Variants in SCN10A observed in about 807,000 individuals in gnomAD.
The protein encoded by SCN10A is sodium channel protein type 10 subunit alpha.
A neutral mutation model predicts 170.7 loss-of-function variants in SCN10A; 162 were observed. The ratio of observed to expected loss-of-function variants is 0.95; its 90% CI spans 0.84 to 1.08. The LOEUF is 1.08. SCN10A is among the 50% of genes least tolerant of loss of function. SCN10A has a pLI of 0.00. For missense variants in SCN10A, 2,527 were observed against 2,436.9 expected (o/e 1.04, Z -0.78); for synonymous variants, 985 against 904.6 (o/e 1.09, Z -1.59).
intron 25 of SCN10A, among the ~76,000 whole-genome samples, chr3:38,708,359 T>C (rs2125986917): frequency 6.6e-6 from 1 of 152,268 alleles, no homozygotes; most frequent in Non-Finnish European, 1.5e-5. Context: ...TATCTCCCTC[T>C]GTAATCTGTT....
At chr3:38,722,576 C>A (rs2063405249) in intron 19 of SCN10A, among the ~76,000 whole-genome samples, 164 bp from the exon 20 acceptor site, 1 of 152,184 alleles carries the variant, frequency 6.6e-6, no homozygotes, top group South Asian at 2.1e-4. Flanking sequence ...TCCAGGGAGT[C>A]CCTCAATCCA....
intron 14 of SCN10A, among the ~76,000 whole-genome samples, chr3:38,740,868 G>A (rs1279030755): frequency 6.6e-6 from 1 of 152,228 alleles, no homozygotes; most frequent in Non-Finnish European, 1.5e-5. Flanking sequence ...ACTGTAGAAT[G>A]AGGGTGTGGG....
At chr3:38,705,963 AT>A (rs2063206352) in intron 26 of SCN10A, among the ~76,000 whole-genome samples, 1 of 152,074 alleles carries the variant, frequency 6.6e-6, no homozygotes, top group Admixed American at 6.6e-5. Flanking sequence ...GAACTTGTTG[AT>A]GGAGGGATAC....
Position 38,728,584 on chromosome 3 carries a change from G to A in SCN10A, c.2598C>T (p.Cys866=). ...CCATCACCGTCAAGAAAAGGATGAGGCATATGGATTTTTGGCCAACTTCCA... is the reference window on the plus strand; with the variant it reads ...CCATCACCGTCAAGAAAAGGATGAGACATATGGATTTTTGGCCAACTTCCA... ...ACMEVGQKSI[C]LILFLTVMVL... The change falls in exon 16 of 28, where the codon TGC becomes TGT. Residue 866 remains cysteine, a synonymous_variant. Transcript: ENST00000449082. The A allele has an allele frequency of 6.2e-7, 1 of 1,609,246 alleles. No individual in the cohort carries two copies. Among genetic ancestry groups the A allele is most frequent in the Non-Finnish European group, 8.5e-7 (1 of 1,176,428 alleles).
At chr3:38,771,137 T>G (rs2063994130) in intron 5 of SCN10A, 142 bp downstream of exon 5, 1 of 830,332 alleles carries the variant, frequency 1.2e-6, no homozygotes, top group Non-Finnish European at 1.9e-6. Flanking sequence ...GGTATATTCC[T>G]GCAGTGGTTC....
At chr3:38,749,948 G>A (rs1428425695) in intron 13 of SCN10A, 125 bp downstream of exon 13, 2 of 526,156 alleles carry the variant, frequency 3.8e-6, no homozygotes, top group African/African-American at 1.9e-5. Context: ...ATAAGAATGA[G>A]GAGTATTAGG....
intron 4 of SCN10A, among the ~76,000 whole-genome samples, chr3:38,786,606 A>AT (rs1474530373): frequency 5.9e-5 from 9 of 152,136 alleles, no homozygotes; most frequent in Admixed American, 5.9e-4. Context: ...CTGCACATGT[A>AT]CCCCAGAACT....
intron 4 of SCN10A, among the ~76,000 whole-genome samples, chr3:38,786,803 C>T (rs1205085567): frequency 6.6e-6 from 1 of 152,014 alleles, no homozygotes. Context: ...TTCTGGGGTG[C>T]CACCTTTTCA....
chr3:38,720,165 G>A (rs376480649), intron 20 of SCN10A, among the ~76,000 whole-genome samples: 5 of 152,324 alleles, frequency 3.3e-5, no homozygotes, highest in African/African-American at 1.2e-4. Flanking sequence ...TGTCTAGGAC[G>A]AGGACTAAGA....
At chr3:38,753,614 T>G (rs575498348) in intron 11 of SCN10A, among the ~76,000 whole-genome samples, 1 of 152,270 alleles carries the variant, frequency 6.6e-6, no homozygotes, top group Admixed American at 6.5e-5. Flanking sequence ...GCCCAAGGAC[T>G]ATAGAACTCA....
At chr3:38,708,932 G>C (rs749713541) in intron 25 of SCN10A, among the ~76,000 whole-genome samples, 2 of 152,174 alleles carry the variant, frequency 1.3e-5, no homozygotes, top group Non-Finnish European at 2.9e-5. Context: ...TAAATGAAAG[G>C]ATAATAGGAA....
chr3:38,752,531 G>T lies in SCN10A; in HGVS notation c.1462-19C>A. 1 of 1,521,780 alleles carries T rather than the reference G, an allele frequency of 6.6e-7. No homozygotes were observed. Among genetic ancestry groups the T allele is most frequent in the South Asian group, 1.3e-5 (1 of 75,646 alleles). 94.3% of individuals were successfully genotyped at this position (1,521,780 alleles called of 1,614,324 possible). A position where few individuals can be genotyped will look rare whatever the true frequency, so the allele number is the denominator to read the frequency against. On this transcript the variant is annotated intron_variant, in intron 11 of 27. Transcript: ENST00000449082. ...GAAAAGACTGGGCATTGCCCCAAAG[G>T]AGCAAGAAGGCTGGAAACTGGTCCT...
At position 38,718,769 on chromosome 3, in the gene SCN10A, T is replaced by A; in HGVS notation, c.3565A>T (p.Thr1189Ser). ...KPTVKALLEY[T>S]DRVFTFIFVF... Reference sequence around the variant, plus strand: ...AAGATAAAGGTGAAGACCCTGTCAGTGTACTCCAGCAAAGCTTTCACCGTG... The same window carrying A: ...AAGATAAAGGTGAAGACCCTGTCAGAGTACTCCAGCAAAGCTTTCACCGTG... The change falls in exon 21 of 28, where the codon ACT becomes TCT. Residue 1189 changes from threonine (T) to serine (S), a missense_variant. Coordinates refer to ENST00000449082, the MANE Select transcript of SCN10A (RefSeq NM_006514.4). 6.2e-7 allele frequency: 1 copy of A among 1,614,224 alleles called. No individual in the cohort carries two copies. Among genetic ancestry groups the A allele is most frequent in the South Asian group, 1.1e-5 (1 of 91,086 alleles).
intron 1 of SCN10A, among the ~76,000 whole-genome samples, chr3:38,806,979 C>A (rs2064408611): frequency 6.6e-6 from 1 of 152,090 alleles, no homozygotes; most frequent in Non-Finnish European, 1.5e-5. Context: ...AAGCCGTGTT[C>A]CTTTCTCCTA....
chr3:38,745,364 C>T (rs539173833), intron 13 of SCN10A, among the ~76,000 whole-genome samples: 105 of 152,306 alleles, frequency 6.9e-4, no homozygotes, highest in African/African-American at 2.5e-3. Flanking sequence ...TGCATTCTCT[C>T]CTGCCACTGC....
chr3:38,769,504 G>A (rs1488141539), intron 5 of SCN10A, among the ~76,000 whole-genome samples: 2 of 152,160 alleles, frequency 1.3e-5, no homozygotes, highest in African/African-American at 2.4e-5. Context: ...GCCTCCCAAA[G>A]TGCTGAGATT....
At chr3:38,725,009 C>T (rs192488609) in intron 18 of SCN10A, among the ~76,000 whole-genome samples, 165 bp downstream of exon 18, 6 of 152,216 alleles carry the variant, frequency 3.9e-5, no homozygotes, top group East Asian at 3.9e-4. Flanking sequence ...GCGGATTAGC[C>T]GGAGGTTGGG....
intron 10 of SCN10A, 30 bp downstream of exon 10, chr3:38,756,644 T>A: frequency 6.3e-7 from 1 of 1,588,746 alleles, no homozygotes; most frequent in South Asian, 1.1e-5. Flanking sequence ...GTCTGCAACC[T>A]TCTTCACAAA....
intron 6 of SCN10A, among the ~76,000 whole-genome samples, chr3:38,761,591 G>T (rs148577011): frequency 1.7e-3 from 260 of 152,216 alleles, no homozygotes; most frequent in Non-Finnish European, 2.2e-3. Flanking sequence ...TTATAAAGAC[G>T]ATGCAACTGA....
Sources: gnomAD v4.1 joint callset for allele counts (sites outside exome capture counted in the v4.1 genomes callset) on GRCh38, gnomAD v4.1.1 for gene constraint, MANE v1.5 for transcripts, NCBI Gene and HGNC (gene_info 2026-07-23, HGNC 2026-07-21) for gene names.